Variants in CRPPA observed in about 807,000 individuals in gnomAD.
CRPPA encodes the protein D-ribitol-5-phosphate cytidylyltransferase.
CRPPA carries 43 observed loss-of-function variants against 52.0 expected under a neutral mutation model. The ratio of observed to expected loss-of-function variants is 0.83; its 90% confidence interval spans 0.65 to 1.07. The LOEUF (loss-of-function observed/expected upper bound fraction) is 1.07, where lower values mean the gene tolerates loss of function less well. Among genes scored for constraint, CRPPA ranks in the 50% least tolerant of loss-of-function variants. CRPPA has a pLI of 0.00. For synonymous variants in CRPPA, 250 were observed against 203.5 expected, an observed-to-expected ratio of 1.23 and a Z score of -1.94; for missense variants, 629 against 551.7, an observed-to-expected ratio of 1.14 and a Z score of -1.40.
intron 5 of CRPPA, among the ~76,000 whole-genome samples, chr7:16,298,215 G>C (rs1427712734): frequency 6.6e-6 from 1 of 152,052 alleles, no homozygotes; most frequent in Non-Finnish European, 1.5e-5. Flanking sequence ...ATGCAATAAA[G>C]ATATTATAAC....
At chr7:16,099,925 C>T (rs1033619260) in intron 9 of CRPPA, among the ~76,000 whole-genome samples, 1 of 152,194 alleles carries the variant, frequency 6.6e-6, no homozygotes, top group Non-Finnish European at 1.5e-5. Flanking sequence ...GCTCCAACCA[C>T]TGTAAGCCTA....
At chr7:16,357,079 G>A (rs1786314526) in intron 3 of CRPPA, among the ~76,000 whole-genome samples, 1 of 152,164 alleles carries the variant, frequency 6.6e-6, no homozygotes, top group African/African-American at 2.4e-5. Context: ...ATCTTCCTAT[G>A]GGAGCTGGAT....
intron 3 of CRPPA, among the ~76,000 whole-genome samples, chr7:16,311,495 G>T (rs1427302437): frequency 6.6e-6 from 1 of 151,992 alleles, no homozygotes; most frequent in Non-Finnish European, 1.5e-5. Context: ...CCCTTTTGGT[G>T]ACTTTATAGC....
intron 5 of CRPPA, among the ~76,000 whole-genome samples, chr7:16,299,173 A>G (rs942427550): frequency 3.9e-5 from 6 of 152,296 alleles, no homozygotes; most frequent in Admixed American, 6.5e-5. Context: ...TAGGCTATAT[A>G]CTATATTACA....
intron 2 of CRPPA, among the ~76,000 whole-genome samples, chr7:16,404,691 T>G (rs1787910197): frequency 6.6e-6 from 1 of 152,094 alleles, no homozygotes; most frequent in African/African-American, 2.4e-5. Context: ...TTGTCATCCC[T>G]AAGAACTCTT....
chr7:16,357,673 T>C (rs1786336647), intron 3 of CRPPA, among the ~76,000 whole-genome samples: 1 of 152,070 alleles, frequency 6.6e-6, no homozygotes, highest in East Asian at 1.9e-4. Context: ...CATTCAGCAT[T>C]CAGTCAAGAG....
rs199611081 is a variant in CRPPA, at chr7:16,400,003, GTGAC to G, written c.534+6054_534+6057del. Among the ~76,000 whole-genome samples, 1,041 of 152,248 alleles carry G rather than the reference GTGAC, an allele frequency of 6.8e-3. 11 individuals carry two copies. Among genetic ancestry groups the G allele is most frequent in the African/African-American group, 0.024 (1,008 of 41,534 alleles). On this transcript the variant is annotated intron_variant, in intron 2 of 9. Transcript: ENST00000407010. Reference sequence around the variant, plus strand: ...GACACGTGACTGACGCATTTGACATGTGACTGACTCGCGAATGACATGATTAGTA... The same window carrying G: ...GACACGTGACTGACGCATTTGACATGTGACTCGCGAATGACATGATTAGTA...
intron 6 of CRPPA, among the ~76,000 whole-genome samples, chr7:16,264,529 A>G (rs1184620257): frequency 1.3e-5 from 2 of 152,240 alleles, no homozygotes; most frequent in African/African-American, 4.8e-5. Context: ...AAAAGTTTTC[A>G]TCTCAAAAAG....
chr7:16,170,912 G>A (rs1781170528), intron 9 of CRPPA, among the ~76,000 whole-genome samples: 1 of 152,228 alleles, frequency 6.6e-6, no homozygotes, highest in South Asian at 2.1e-4. Context: ...GCACTGGCCT[G>A]CGAGCGCCCC....
intron 9 of CRPPA, among the ~76,000 whole-genome samples, chr7:16,180,443 G>A (rs1448200890): frequency 6.6e-6 from 1 of 152,064 alleles, no homozygotes; most frequent in East Asian, 1.9e-4. Context: ...TATTATATGA[G>A]TGTATTTGTT....
At chr7:16,141,734 A>G (rs566685400) in intron 9 of CRPPA, among the ~76,000 whole-genome samples, 33 of 152,344 alleles carry the variant, frequency 2.2e-4, no homozygotes, top group African/African-American at 7.2e-4. Context: ...TCCACTCAGT[A>G]TAATATATGC....
At chr7:16,121,504 C>T (rs1257294799) in intron 9 of CRPPA, among the ~76,000 whole-genome samples, 1 of 152,014 alleles carries the variant, frequency 6.6e-6, no homozygotes, top group East Asian at 1.9e-4. Context: ...AAAACCTTAA[C>T]TTGAAAATTG....
chr7:16,302,173 G>A (rs1031173548), intron 4 of CRPPA, among the ~76,000 whole-genome samples: 2 of 151,934 alleles, frequency 1.3e-5, no homozygotes, highest in Non-Finnish European at 2.9e-5. Context: ...GCGGGCGCCT[G>A]TAGTCCCAGC....
intron 3 of CRPPA, among the ~76,000 whole-genome samples, chr7:16,308,969 A>G (rs1018057655): frequency 6.6e-6 from 1 of 152,210 alleles, no homozygotes; most frequent in Admixed American, 6.5e-5. Context: ...GCCTGAAGGT[A>G]TGGCTGAGGA....
At chr7:16,267,452 T>C (rs1783984140) in intron 6 of CRPPA, among the ~76,000 whole-genome samples, 1 of 152,194 alleles carries the variant, frequency 6.6e-6, no homozygotes, top group Non-Finnish European at 1.5e-5. Flanking sequence ...GGATCACACT[T>C]TGAGCCAGCA....
chr7:16,207,048 T>C (rs991774459), intron 9 of CRPPA, among the ~76,000 whole-genome samples: 9 of 152,258 alleles, frequency 5.9e-5, no homozygotes, highest in African/African-American at 1.9e-4. Flanking sequence ...GTGAAGAAAG[T>C]CCTTTTATAA....
At chr7:16,159,197 A>C (rs188667623) in intron 9 of CRPPA, among the ~76,000 whole-genome samples, 167 of 152,244 alleles carry the variant, frequency 1.1e-3, no homozygotes, top group African/African-American at 3.6e-3. Flanking sequence ...TGGGCAGATC[A>C]CCTAAGGTCA....
chr7:16,284,045 C>A (rs113199146), intron 5 of CRPPA, among the ~76,000 whole-genome samples: 1 of 151,932 alleles, frequency 6.6e-6, no homozygotes, highest in African/African-American at 2.4e-5. Flanking sequence ...GACCAAAGAA[C>A]GATTTCTATG....
At chr7:16,156,471 A>C (rs1783183957) in intron 9 of CRPPA, among the ~76,000 whole-genome samples, 1 of 152,190 alleles carries the variant, frequency 6.6e-6, no homozygotes, top group Non-Finnish European at 1.5e-5. Flanking sequence ...ATTTTGACCA[A>C]ACTCAGAATT....
Sources: allele counts gnomAD v4.1 joint callset (sites outside exome capture counted in the v4.1 genomes callset), GRCh38; gene constraint gnomAD v4.1.1; transcripts MANE v1.5; gene names NCBI Gene and HGNC (gene_info 2026-07-23, HGNC 2026-07-21).